The following TGFBRAP1 variants were observed in gnomAD, a reference collection of about 807,000 sequenced individuals.
TGFBRAP1 encodes the protein transforming growth factor-beta receptor-associated protein 1.
Under a neutral mutation model 83.2 loss-of-function variants are expected in TGFBRAP1, and 20 were observed. The ratio of observed to expected loss-of-function variants is 0.24; its 90% CI spans 0.17 to 0.35. The LOEUF (loss-of-function observed/expected upper bound fraction) is 0.35. Ranked by LOEUF, TGFBRAP1 falls within the 10% of genes least tolerant of loss-of-function variation. TGFBRAP1 has a pLI of 1.00. For synonymous variants in TGFBRAP1, 415 were observed against 459.8 expected (o/e 0.90, Z 1.25); for missense variants, 950 against 1,099.4 (o/e 0.86, Z 1.92).
intron 1 of TGFBRAP1, among the ~76,000 whole-genome samples, chr2:105,326,435 T>C (rs958306364): frequency 1.3e-5 from 2 of 152,214 alleles, no homozygotes; most frequent in Admixed American, 1.3e-4. Context: ...TATCGAGTAC[T>C]GGCCAGGAGC....
the TGFBRAP1 span, among the ~76,000 whole-genome samples, chr2:105,255,903 GC>G: frequency 6.6e-6 from 1 of 151,816 alleles, no homozygotes; most frequent in Non-Finnish European, 1.5e-5. Flanking sequence ...CCAACCTGGT[GC>G]CTCTCCATGT....
chr2:105,256,036 C>G, the TGFBRAP1 span, among the ~76,000 whole-genome samples: 1 of 152,180 alleles, frequency 6.6e-6, no homozygotes, highest in Non-Finnish European at 1.5e-5. Context: ...TTAATACTCT[C>G]TATTTTAAAG....
chr2:105,272,789 C>A, intron 10 of TGFBRAP1, 66 bp downstream of exon 10: 1 of 1,588,436 alleles, frequency 6.3e-7, no homozygotes, highest in South Asian at 1.1e-5. Flanking sequence ...GCCCTTCTCT[C>A]TGCTTCCTCC....
Position 105,313,069 on chromosome 2 carries a change from G to A in TGFBRAP1, c.-17-4751C>T, listed in dbSNP as rs184408942. 2.8e-3 allele frequency among the ~76,000 whole-genome samples: 432 copies of A among 151,886 alleles called. 2 individuals are homozygous for A. Among genetic ancestry groups the A allele is most frequent in the Middle Eastern group, 6.8e-3 (2 of 292 alleles). On this transcript the variant is annotated intron_variant, in intron 1 of 11. Transcript: ENST00000393359. ...GGAGGTTGCAGTGAGCAGAGATCGC[G>A]CCACTGCACTCCAGCCTGGGCAACA...
At chr2:105,299,113 C>A (rs1217309837) in intron 2 of TGFBRAP1, among the ~76,000 whole-genome samples, 2 of 151,588 alleles carry the variant, frequency 1.3e-5, no homozygotes, top group Non-Finnish European at 2.9e-5. Flanking sequence ...AAACCTCACC[C>A]TTACAAAAAA....
chr2:105,259,795 G>A (rs146039315), downstream of TGFBRAP1, among the ~76,000 whole-genome samples: 335 of 152,246 alleles, frequency 2.2e-3, no homozygotes, highest in Middle Eastern at 0.041. Flanking sequence ...ATAGGAACAA[G>A]TGTCACATCA....
chr2:105,296,370 T>C lies in TGFBRAP1; in HGVS notation c.1024A>G (p.Lys342Glu). The C allele has an allele frequency of 1.2e-6, 2 of 1,613,806 alleles. No individual in the cohort carries two copies. Among genetic ancestry groups the C allele is most frequent in the South Asian group, 2.2e-5 (2 of 90,990 alleles). Residue 342 changes from lysine to glutamate, a missense_variant, in exon 4 of 12, where the codon AAG (lysine) becomes GAG (glutamate). By Grantham distance (56) the Lys-to-Glu change is moderately conservative (BLOSUM62 1). Coordinates refer to ENST00000393359, the MANE Select transcript of TGFBRAP1 (RefSeq NM_004257.6). ...TAATTACAAACCTGAAATTTTTCCTTTGGAATGTTCCTCCGGGCTCCTTTT... is the reference window on the plus strand; with the variant it reads ...TAATTACAAACCTGAAATTTTTCCTCTGGAATGTTCCTCCGGGCTCCTTTT... ...LAKGARRNIP[K>E]EKFQVMYRRI... is the part of the protein sequence containing the mutation.
At chr2:105,254,179 G>C in the TGFBRAP1 span, among the ~76,000 whole-genome samples, 1 of 152,058 alleles carries the variant, frequency 6.6e-6, no homozygotes, top group African/African-American at 2.4e-5. Flanking sequence ...TGGAAATGGT[G>C]GTTTCTGGTG....
downstream of TGFBRAP1, chr2:105,264,331 C>T (rs770378746): frequency 6.6e-6 from 1 of 152,186 alleles, no homozygotes; most frequent in Non-Finnish European, 1.5e-5. Context: ...CTCAAGTCCT[C>T]TGTAGGTGCT....
chr2:105,311,111 G>A (rs1258521642), intron 1 of TGFBRAP1, among the ~76,000 whole-genome samples: 3 of 149,970 alleles, frequency 2.0e-5, no homozygotes, highest in Non-Finnish European at 3.0e-5. Context: ...TAAATCCTGG[G>A]GTAGATAGAG....
chr2:105,291,971 A>G (rs1167470604), intron 4 of TGFBRAP1, among the ~76,000 whole-genome samples: 1 of 152,216 alleles, frequency 6.6e-6, no homozygotes, highest in African/African-American at 2.4e-5. Context: ...GGTAGAACAT[A>G]TTTAAGTTCC....
intron 6 of TGFBRAP1, among the ~76,000 whole-genome samples, chr2:105,278,430 C>T (rs914074047): frequency 5.3e-5 from 8 of 152,162 alleles, no homozygotes; most frequent in African/African-American, 1.9e-4. Context: ...GCAGGAAGTG[C>T]TAGTGTCCGG....
chr2:105,253,668 C>G, the TGFBRAP1 span, among the ~76,000 whole-genome samples: 1 of 152,142 alleles, frequency 6.6e-6, no homozygotes, highest in Non-Finnish European at 1.5e-5. Flanking sequence ...CTCCTCGGCT[C>G]AAGCAATTCC....
At chr2:105,258,158 T>TG in the TGFBRAP1 span, among the ~76,000 whole-genome samples, 1 of 152,240 alleles carries the variant, frequency 6.6e-6, no homozygotes, top group Non-Finnish European at 1.5e-5. Flanking sequence ...TCACTGCTGC[T>TG]GAGGCTCTGC....
chr2:105,296,449 T>C lies in TGFBRAP1; in HGVS notation c.945A>G (p.Lys315=), dbSNP rs1006251544. The C allele has an allele frequency of 3.9e-5, 63 of 1,613,992 alleles. No homozygotes were observed. Among genetic ancestry groups the C allele is most frequent in the Non-Finnish European group, 5.1e-5 (60 of 1,180,022 alleles). ...GGCTTGCTAGAAGATCCTGTATTTG[T>C]TTTTCCAAAGGTAATGGAACCAAGA... is the stretch of plus-strand genomic sequence containing the variant. ...VYILVPLPLE[K]QIQDLLASRR... The change falls in exon 4 of 12, where the codon AAA becomes AAG. Residue 315 remains lysine, a synonymous_variant. Coordinates refer to ENST00000393359, the MANE Select transcript of TGFBRAP1 (RefSeq NM_004257.6).
chr2:105,300,231 T>C (rs560904632), intron 2 of TGFBRAP1, among the ~76,000 whole-genome samples: 1 of 152,248 alleles, frequency 6.6e-6, no homozygotes, highest in African/African-American at 2.4e-5. Flanking sequence ...AGAATCTGTA[T>C]ATAGGTACTG....
At chr2:105,306,061 G>GTTTTTTTTTTTTTTTTT (rs67017916) in intron 2 of TGFBRAP1, among the ~76,000 whole-genome samples, 1 of 74,898 alleles carries the variant, frequency 1.3e-5, no homozygotes, top group African/African-American at 4.7e-5. Context: ...TTTGTTTTTT[G>GTTTTTTTTTTTTTTTTT]TTTTTTGTTT....
intron 5 of TGFBRAP1, among the ~76,000 whole-genome samples, chr2:105,283,318 T>C (rs985063705): frequency 2.6e-5 from 4 of 152,216 alleles, no homozygotes; most frequent in Admixed American, 2.0e-4. Flanking sequence ...TTTTCAGTAA[T>C]GCCATTCTTC....
At chr2:105,300,937 A>T (rs949908413) in intron 2 of TGFBRAP1, among the ~76,000 whole-genome samples, 1 of 152,044 alleles carries the variant, frequency 6.6e-6, no homozygotes, top group South Asian at 2.1e-4. Context: ...AAAAGATAAA[A>T]TTGAGGTTGG....
Sources: allele counts gnomAD v4.1 joint callset (sites outside exome capture counted in the v4.1 genomes callset), GRCh38; gene constraint gnomAD v4.1.1; transcripts MANE v1.5; gene names NCBI Gene and HGNC (gene_info 2026-07-23, HGNC 2026-07-21).